PRKCE: variants seen among roughly 807,000 people sequenced by gnomAD.
PRKCE encodes the protein protein kinase C epsilon type.
Under a neutral mutation model 85.4 loss-of-function variants are expected in PRKCE, and 16 were observed. That is an observed-to-expected ratio of 0.19 (90% CI 0.13 to 0.28). PRKCE has a LOEUF of 0.28. Among genes scored for constraint, PRKCE ranks in the 10% least tolerant of loss-of-function variants. The pLI is 1.00. For synonymous variants in PRKCE, 388 were observed against 371.5 expected, an observed-to-expected ratio of 1.04 and a Z score of -0.51; for missense variants, 573 against 975.2, an observed-to-expected ratio of 0.59 and a Z score of 5.49.
At chr2:45,691,344 T>A (rs1677711793) in intron 1 of PRKCE, among the ~76,000 whole-genome samples, 1 of 152,206 alleles carries the variant, frequency 6.6e-6, no homozygotes, top group South Asian at 2.1e-4. Flanking sequence ...ATTTTCACTG[T>A]GACTCATGAG....
intron 10 of PRKCE, among the ~76,000 whole-genome samples, chr2:46,046,271 G>A (rs1439075018): frequency 6.6e-6 from 1 of 152,194 alleles, no homozygotes; most frequent in Non-Finnish European, 1.5e-5. Flanking sequence ...CCAGCCTCCT[G>A]TCTCCACCAG....
At chr2:46,021,791 C>G (rs1025046299) in intron 10 of PRKCE, among the ~76,000 whole-genome samples, 1 of 152,206 alleles carries the variant, frequency 6.6e-6, no homozygotes, top group Non-Finnish European at 1.5e-5. Context: ...TCTCTCACCT[C>G]TCCCCAACGC....
chr2:46,019,725 G>A (rs1706477263), intron 10 of PRKCE, among the ~76,000 whole-genome samples: 1 of 151,202 alleles, frequency 6.6e-6, no homozygotes, highest in Admixed American at 6.6e-5. Flanking sequence ...ACTTACCAAT[G>A]ACATTGTGAG....
chr2:45,839,443 T>C (rs562815133), intron 1 of PRKCE, among the ~76,000 whole-genome samples: 1 of 152,110 alleles, frequency 6.6e-6, no homozygotes, highest in African/African-American at 2.4e-5. Flanking sequence ...ATGTGTTAAG[T>C]TGGGATATGA....
chr2:45,730,455 ATT>A (rs56947431), intron 1 of PRKCE, among the ~76,000 whole-genome samples: 1,296 of 128,472 alleles, frequency 0.01, 20 homozygotes, highest in African/African-American at 0.035. Flanking sequence ...ACCAGTTGTA[ATT>A]TTTTTTTTTT....
At chr2:45,818,059 A>C (rs968762073) in intron 1 of PRKCE, among the ~76,000 whole-genome samples, 1 of 152,212 alleles carries the variant, frequency 6.6e-6, no homozygotes, top group African/African-American at 2.4e-5. Context: ...AGGGTAGCAC[A>C]TTTGTGATTC....
chr2:45,823,649 G>A (rs1689714456), intron 1 of PRKCE, among the ~76,000 whole-genome samples: 1 of 152,156 alleles, frequency 6.6e-6, no homozygotes, highest in African/African-American at 2.4e-5. Flanking sequence ...CCAACTTCTT[G>A]GTTTAAATGC....
At chr2:45,909,341 G>A (rs1317628150) in intron 2 of PRKCE, among the ~76,000 whole-genome samples, 1 of 152,190 alleles carries the variant, frequency 6.6e-6, no homozygotes, top group East Asian at 1.9e-4. Flanking sequence ...AGGGGGATGT[G>A]GATGTTCATT....
At chr2:46,094,087 T>C (rs1670445693) in intron 11 of PRKCE, among the ~76,000 whole-genome samples, 2 of 152,220 alleles carry the variant, frequency 1.3e-5, no homozygotes, top group Admixed American at 1.3e-4. Flanking sequence ...GTATAAGCAG[T>C]ATTCTATCAA....
At chr2:46,179,404 C>G (rs990784554) in intron 14 of PRKCE, among the ~76,000 whole-genome samples, 1 of 152,096 alleles carries the variant, frequency 6.6e-6, no homozygotes, top group Non-Finnish European at 1.5e-5. Flanking sequence ...TCAGAGCTGC[C>G]TGAGCTCTGA....
chr2:45,841,075 G>A (rs777767915), intron 1 of PRKCE, among the ~76,000 whole-genome samples: 10 of 152,192 alleles, frequency 6.6e-5, no homozygotes, highest in Non-Finnish European at 1.3e-4. Context: ...AACTAGGGAT[G>A]CAAATCTGGT....
chr2:46,007,794 C>A (rs1333200245), intron 9 of PRKCE, 133 bp downstream of exon 9: 4 of 1,017,942 alleles, frequency 3.9e-6, no homozygotes, highest in Non-Finnish European at 5.6e-6. Context: ...TTTGTAAGTG[C>A]AAATGACCTG....
chr2:45,881,402 T>A (rs1694880589), intron 2 of PRKCE, among the ~76,000 whole-genome samples: 1 of 152,218 alleles, frequency 6.6e-6, no homozygotes, highest in Admixed American at 6.5e-5. Context: ...ACATTTTAAA[T>A]GGAATTTCTA....
At chr2:46,039,525 TG>T (rs1316575455) in intron 10 of PRKCE, among the ~76,000 whole-genome samples, 8 of 152,068 alleles carry the variant, frequency 5.3e-5, no homozygotes, top group Non-Finnish European at 1.0e-4. Context: ...TTTTTGTTGT[TG>T]TTTTTTTGTT....
intron 2 of PRKCE, among the ~76,000 whole-genome samples, chr2:45,951,179 T>A (rs1359807540): frequency 6.6e-6 from 1 of 152,196 alleles, no homozygotes; most frequent in African/African-American, 2.4e-5. Context: ...TTTTCAAGCC[T>A]CACCCAGTGG....
At chr2:45,656,693 A>G (rs56104374) in intron 1 of PRKCE, among the ~76,000 whole-genome samples, 24,558 of 152,140 alleles carry the variant, frequency 0.16, 2,577 homozygotes, top group African/African-American at 0.3. Context: ...CCCAACCTTG[A>G]GAGCTTTTGA....
intron 1 of PRKCE, among the ~76,000 whole-genome samples, chr2:45,814,343 C>T (rs1023571852): frequency 1.3e-5 from 2 of 152,202 alleles, no homozygotes; most frequent in African/African-American, 4.8e-5. Flanking sequence ...ATACCCTTGC[C>T]TCGCAGCCAA....
chr2:45,666,170 C>T (rs1204733619), intron 1 of PRKCE, among the ~76,000 whole-genome samples: 1 of 152,078 alleles, frequency 6.6e-6, no homozygotes, highest in Admixed American at 6.5e-5. Flanking sequence ...ATATTTCCTT[C>T]GTTTTAGAAA....
At chr2:45,833,701 A>G (rs1690621101) in intron 1 of PRKCE, among the ~76,000 whole-genome samples, 1 of 152,276 alleles carries the variant, frequency 6.6e-6, no homozygotes, top group Non-Finnish European at 1.5e-5. Flanking sequence ...AGTGTAAGAA[A>G]TAGGAAATGT....
Sources: gnomAD v4.1 joint callset for allele counts (sites outside exome capture counted in the v4.1 genomes callset) on GRCh38, gnomAD v4.1.1 for gene constraint, MANE v1.5 for transcripts, NCBI Gene and HGNC (gene_info 2026-07-23, HGNC 2026-07-21) for gene names.